ZNF134: variants seen among roughly 807,000 people sequenced by gnomAD.
ZNF134 encodes the protein zinc finger protein 134.
A neutral mutation model predicts 2.5 loss-of-function variants in ZNF134; 5 were observed. The ratio of observed to expected loss-of-function variants is 2.03; its 90% CI spans 1.06 to 4.27. The LOEUF (loss-of-function observed/expected upper bound fraction) is 4.27. Ranked by LOEUF, ZNF134 falls within the 30% of genes most tolerant of loss-of-function variation. ZNF134 has a pLI of 0.00. For missense variants in ZNF134, 540 were observed against 517.5 expected (o/e 1.04, Z -0.42); for synonymous variants, 176 against 176.2 (o/e 1.00, Z 0.01).
In ZNF134 at chr19:57,620,816, G is replaced by A; in HGVS notation, c.697G>A (p.Glu233Lys). ...AATCCATACTGGAGAAAGGCCTTATGAATGCAGCGAATGTGGAAAAACCTT... is the reference window on the plus strand; with the variant it reads ...AATCCATACTGGAGAAAGGCCTTATAAATGCAGCGAATGTGGAAAAACCTT... The part of the protein sequence containing the change: ...QRIHTGERPY[E>K]CSECGKTFSR... Residue 233 changes from glutamate (E) to lysine (K), a missense_variant, in exon 3 of 3, where the codon GAA becomes AAA. Glu to Lys is a moderately conservative substitution (Grantham distance 56, BLOSUM62 1). Coordinates refer to ENST00000396161, the MANE Select transcript of ZNF134 (RefSeq NM_003435.5). The A allele has an allele frequency of 6.2e-7, 1 of 1,614,174 alleles. No individual in the cohort carries two copies. The highest frequency in any genetic ancestry group is 2.2e-5 in the East Asian group (1 of 44,874).
chr19:57,617,649 T>G (rs1419917132), intron 1 of ZNF134, among the ~76,000 whole-genome samples: 2 of 152,000 alleles, frequency 1.3e-5, no homozygotes. Flanking sequence ...GGGATTCAGG[T>G]TGGAGCTATC....
intron 1 of ZNF134, 137 bp from the exon 2 acceptor site, chr19:57,619,275 C>T (rs537580848): frequency 9.9e-4 from 676 of 684,496 alleles, no homozygotes; most frequent in Middle Eastern, 4.2e-3. Flanking sequence ...CTTGTGGGCC[C>T]ACTGCACTGT....
chr19:57,623,265 T>C lies in ZNF134; in HGVS notation c.*1862T>C, dbSNP rs1185879026. 1 of 152,214 alleles carries C rather than the reference T, an allele frequency of 6.6e-6. No homozygotes were observed. Among genetic ancestry groups the C allele is most frequent in the Non-Finnish European group, 1.5e-5 (1 of 68,032 alleles). The allele number at this position is 152,214 out of a possible 1,614,324, so 9.4% of individuals were successfully genotyped here. A position where few individuals can be genotyped will look rare whatever the true frequency, so the allele number is the denominator to read the frequency against. On this transcript the variant is annotated 3_prime_UTR_variant, in exon 3 of 3. Coordinates refer to ENST00000396161, the MANE Select transcript of ZNF134 (RefSeq NM_003435.5). ...AGTCCATTTTAAAATTACTGAGTCA[T>C]ATTCTGTATGGATATACCACAGTTT... is the stretch of plus-strand genomic sequence containing the variant.
In ZNF134 at chr19:57,620,328, G is replaced by A. The variant is rs1425865924; in HGVS notation, c.209G>A (p.Gly70Asp). 1.9e-6 allele frequency: 3 copies of A among 1,614,198 alleles called. No homozygotes were observed. The highest frequency in any genetic ancestry group is 1.1e-5 in the South Asian group (1 of 91,088). The change falls in exon 3 of 3, where the codon GGT becomes GAT. Residue 70 changes from glycine to aspartate, a missense_variant. Physicochemically the swap from Gly to Asp is moderately conservative, Grantham distance 94. Transcript: ENST00000396161. ...KDILHLDEHQ[G>D]THHGLKLHTC... ...ATTTTGCACCTGGATGAACACCAGGGTACACACCATGGACTGAAACTTCAC... is the reference window on the plus strand; with the variant it reads ...ATTTTGCACCTGGATGAACACCAGGATACACACCATGGACTGAAACTTCAC...
At position 57,619,482 on chromosome 19, in the gene ZNF134, C is replaced by G. The variant is rs1981138027; in HGVS notation, c.14C>G (p.Thr5Arg). ...GCCTGAGAGGGCATGACTCTAGTCA[C>G]AGCAGGAGGGGCTTGGACAGGCCCT... MTLV[T>R]AGGAWTGPGC... Residue 5 changes from threonine (T) to arginine (R), a missense_variant, in exon 2 of 3, where the codon ACA becomes AGA. Coordinates refer to ENST00000396161, the MANE Select transcript of ZNF134 (RefSeq NM_003435.5). 1 of 1,606,400 alleles carries G rather than the reference C, an allele frequency of 6.2e-7. No homozygotes were observed. Among genetic ancestry groups the G allele is most frequent in the South Asian group, 1.1e-5 (1 of 89,044 alleles).
intron 2 of ZNF134, 122 bp from the exon 3 acceptor site, chr19:57,620,038 T>C (rs1981153709): frequency 8.6e-7 from 1 of 1,156,404 alleles, no homozygotes; most frequent in Non-Finnish European, 1.2e-6. Flanking sequence ...AACCTGATCC[T>C]AGCTCTGTTC....
At position 57,620,439 on chromosome 19, in the gene ZNF134, G is replaced by A; in HGVS notation, c.320G>A (p.Arg107Lys). Residue 107 changes from arginine (R) to lysine (K), a missense_variant, in exon 3 of 3, where the codon AGA (arginine) becomes AAA (lysine). Coordinates refer to ENST00000396161, the MANE Select transcript of ZNF134 (RefSeq NM_003435.5). ...TGTTACAGTATAGAGCAACCCTTAA[G>A]AAGGGATAAAAGTGAGGCCTCAATT... ...QKCYSIEQPL[R>K]RDKSEASIVK... 6.2e-7 allele frequency: 1 copy of A among 1,614,178 alleles called. No homozygotes were observed. The highest frequency in any genetic ancestry group is 1.1e-5 in the South Asian group (1 of 91,078).
In ZNF134 at chr19:57,621,728, A is replaced by C. The variant is rs1042102; in HGVS notation, c.*325A>C. ...CTGTATGACAGGTATAGGTATGGATATGACCCATTTTTAGCCAAGAGGGTC... is the reference window on the plus strand; with the variant it reads ...CTGTATGACAGGTATAGGTATGGATCTGACCCATTTTTAGCCAAGAGGGTC... On this transcript the variant is annotated 3_prime_UTR_variant, in exon 3 of 3. Coordinates refer to ENST00000396161, the MANE Select transcript of ZNF134 (RefSeq NM_003435.5). 2.3e-6 allele frequency: 1 copy of C among 433,504 alleles called. No homozygotes were observed. The highest frequency in any genetic ancestry group is 4.3e-6 in the Non-Finnish European group (1 of 230,926). The allele number at this position is 433,504 out of a possible 1,614,324, so 26.9% of individuals were successfully genotyped here. A position where few individuals can be genotyped will look rare whatever the true frequency, so the allele number is the denominator to read the frequency against.
At position 57,621,331 on chromosome 19, in the gene ZNF134, A is replaced by G. The variant is rs1294199131; in HGVS notation, c.1212A>G (p.Glu404=). ...HTGERPYECS[E]CGKAYSLSSH... ...GAGAAAGGCCATATGAGTGCAGTGAATGTGGGAAGGCCTACAGCTTAAGCT... is the reference window on the plus strand; with the variant it reads ...GAGAAAGGCCATATGAGTGCAGTGAGTGTGGGAAGGCCTACAGCTTAAGCT... Residue 404 remains glutamate, a synonymous_variant, in exon 3 of 3, where the codon GAA becomes GAG. Coordinates refer to ENST00000396161, the MANE Select transcript of ZNF134 (RefSeq NM_003435.5). 5 of 1,614,168 alleles carry G rather than the reference A, an allele frequency of 3.1e-6. No individual in the cohort carries two copies. The highest frequency in any genetic ancestry group is 3.3e-4 in the Middle Eastern group (2 of 6,062).
At chr19:57,616,495 A>C (rs543291038) in intron 1 of ZNF134, among the ~76,000 whole-genome samples, 2 of 152,372 alleles carry the variant, frequency 1.3e-5, no homozygotes, top group East Asian at 3.9e-4. Context: ...TGAGATGTAC[A>C]GACAAGCCTG....
In ZNF134 at chr19:57,623,003, CTA is replaced by C. The variant is rs1981273896; in HGVS notation, c.*1602_*1603del. The C allele has an allele frequency of 4.6e-5, 7 of 151,108 alleles. No individual in the cohort carries two copies. Among genetic ancestry groups the C allele is most frequent in the Admixed American group, 2.6e-4 (4 of 15,154 alleles). 9.4% of individuals were successfully genotyped at this position (151,108 alleles called of 1,614,324 possible). ...CACACACACACACACACACTTGAAA[CTA>C]TCACCCTATCAGTGGTATTGGACAT... On this transcript the variant is annotated 3_prime_UTR_variant, in exon 3 of 3. Transcript: ENST00000396161.
rs1339764108 is a variant in ZNF134, at chr19:57,621,415, A to G, written c.*12A>G. 1.2e-6 allele frequency: 2 copies of G among 1,611,234 alleles called. No homozygotes were observed. The highest frequency in any genetic ancestry group is 1.7e-5 in the Admixed American group (1 of 60,030). On this transcript the variant is annotated 3_prime_UTR_variant, in exon 3 of 3. Transcript: ENST00000396161. ...CAGGCAGGCTTTAGGAGTGCTTTGA[A>G]TACAACAGGACTCATCAATCAGATG...
In ZNF134 at chr19:57,624,687, C is replaced by G. The variant is rs1250457359; in HGVS notation, c.*3284C>G. On this transcript the variant is annotated 3_prime_UTR_variant, in exon 3 of 3. Transcript: ENST00000396161. ...CTCCCACACTTCTCTCTTGTGTGTA[C>G]TTTTGCTTCACAATAAAAGCTGCTT... 1 of 152,230 alleles carries G rather than the reference C, an allele frequency of 6.6e-6. No homozygotes were observed. Among genetic ancestry groups the G allele is most frequent in the East Asian group, 1.9e-4 (1 of 5,198 alleles). 9.4% of individuals were successfully genotyped at this position (152,230 alleles called of 1,614,324 possible). A position where few individuals can be genotyped will look rare whatever the true frequency, so the allele number is the denominator to read the frequency against.
At position 57,621,863 on chromosome 19, in the gene ZNF134, G is replaced by A; in HGVS notation, c.*460G>A. 3.4e-6 allele frequency: 1 copy of A among 292,344 alleles called. No homozygotes were observed. The highest frequency in any genetic ancestry group is 8.2e-5 in the East Asian group (1 of 12,200). 18.1% of individuals were successfully genotyped at this position (292,344 alleles called of 1,614,324 possible). ...TCCAGCCTCCAAGTCACCTGGCCTG[G>A]GAAAGTACTTGCCTCATGTTGCTCT... On this transcript the variant is annotated 3_prime_UTR_variant, in exon 3 of 3. Coordinates refer to ENST00000396161, the MANE Select transcript of ZNF134 (RefSeq NM_003435.5).
At position 57,622,459 on chromosome 19, in the gene ZNF134, A is replaced by T. The variant is rs1981254037; in HGVS notation, c.*1056A>T. On this transcript the variant is annotated 3_prime_UTR_variant, in exon 3 of 3. Coordinates refer to ENST00000396161, the MANE Select transcript of ZNF134 (RefSeq NM_003435.5). Reference sequence around the variant, plus strand: ...TAGAGGGGAAGTGCCCATTGTAAAAACACATCCACAGACAGTCCAGGCACT... The same window carrying T: ...TAGAGGGGAAGTGCCCATTGTAAAATCACATCCACAGACAGTCCAGGCACT... 1 of 152,196 alleles carries T rather than the reference A, an allele frequency of 6.6e-6. No individual in the cohort carries two copies. Among genetic ancestry groups the T allele is most frequent in the African/African-American group, 2.4e-5 (1 of 41,442 alleles). The allele number at this position is 152,196 out of a possible 1,614,324, so 9.4% of individuals were successfully genotyped here. A position where few individuals can be genotyped will look rare whatever the true frequency, so the allele number is the denominator to read the frequency against.
intron 1 of ZNF134, among the ~76,000 whole-genome samples, chr19:57,614,796 G>A (rs1981006169): frequency 6.6e-6 from 1 of 152,166 alleles, no homozygotes; most frequent in Non-Finnish European, 1.5e-5. Context: ...GAATGGTGGA[G>A]GGAAGGGATC....
chr19:57,614,283 C>A lies in ZNF134; in HGVS notation c.-278C>A, dbSNP rs367622747. On this transcript the variant is annotated 5_prime_UTR_variant, in exon 1 of 3. Transcript: ENST00000396161. ...CGGCTCTTAGGTGGAACCATCGGAG[C>A]AGAAGCTCGGGGTTGCTGGGCGGTT... 2.2e-5 allele frequency: 10 copies of A among 450,392 alleles called. No individual in the cohort carries two copies. The highest frequency in any genetic ancestry group is 9.5e-5 in the Admixed American group (4 of 42,010). The allele number at this position is 450,392 out of a possible 1,614,324, so 27.9% of individuals were successfully genotyped here.
rs1980989046 is a variant in ZNF134, at chr19:57,614,334, C to T, written c.-227C>T. 4.4e-6 allele frequency: 2 copies of T among 454,030 alleles called. No homozygotes were observed. The highest frequency in any genetic ancestry group is 4.7e-5 in the Admixed American group (2 of 42,398). The allele number at this position is 454,030 out of a possible 1,614,324, so 28.1% of individuals were successfully genotyped here. On this transcript the variant is annotated 5_prime_UTR_variant, in exon 1 of 3. Transcript: ENST00000396161. Reference sequence around the variant, plus strand: ...CCGAGGTGACGGAAGCGGGAGGGTGCGGGAGAAGTCGCTGTTCGCTCTGCG... The same window carrying T: ...CCGAGGTGACGGAAGCGGGAGGGTGTGGGAGAAGTCGCTGTTCGCTCTGCG...
chr19:57,619,265 C>A, intron 1 of ZNF134, 147 bp from the exon 2 acceptor site: 1 of 650,288 alleles, frequency 1.5e-6, no homozygotes, highest in Non-Finnish European at 2.7e-6. Flanking sequence ...ATGGTCACCA[C>A]TTGTGGGCCC....
Sources: allele counts gnomAD v4.1 joint callset (sites outside exome capture counted in the v4.1 genomes callset), GRCh38; gene constraint gnomAD v4.1.1; transcripts MANE v1.5; gene names NCBI Gene and HGNC (gene_info 2026-07-23, HGNC 2026-07-21).